Variants in NXPE2 observed in about 807,000 individuals in gnomAD.
NXPE2 encodes the protein NXPE family member 2.
Under a neutral mutation model 34.4 loss-of-function variants are expected in NXPE2, and 34 were observed. The observed-to-expected ratio is 0.99, with a 90% confidence interval of 0.75 to 1.31. The LOEUF is 1.31. Among genes scored for constraint, NXPE2 ranks in the 40% most tolerant of loss-of-function variants. The probability of loss-of-function intolerance (pLI) is 0.00; values close to 1 mark genes in which losing one functional copy is unlikely to be tolerated. For missense variants in NXPE2, 649 were observed against 672.5 expected (o/e 0.97, Z 0.39); for synonymous variants, 235 against 231.3 (o/e 1.02, Z -0.15).
the NXPE2 span, among the ~76,000 whole-genome samples, chr11:114,667,948 T>C: frequency 6.6e-6 from 1 of 151,900 alleles, no homozygotes; most frequent in Non-Finnish European, 1.5e-5. Flanking sequence ...AGTAGATAAC[T>C]AATACACAGA....
the NXPE2 span, among the ~76,000 whole-genome samples, chr11:114,716,697 C>A: frequency 6.6e-6 from 1 of 152,192 alleles, no homozygotes; most frequent in African/African-American, 2.4e-5. Flanking sequence ...GCACATTCCA[C>A]TGAGCCAAAT....
chr11:114,537,349 C>A, the NXPE2 span, among the ~76,000 whole-genome samples: 1 of 152,188 alleles, frequency 6.6e-6, no homozygotes, highest in Non-Finnish European at 1.5e-5. Flanking sequence ...AAACTGGGAG[C>A]ATTCCCTTTG....
At chr11:114,622,376 G>T in the NXPE2 span, among the ~76,000 whole-genome samples, 185 of 152,010 alleles carry the variant, frequency 1.2e-3, no homozygotes, top group African/African-American at 4.1e-3. Flanking sequence ...TTACCAAGTG[G>T]ATAATAAGTA....
chr11:114,493,736 G>C, the NXPE2 span, among the ~76,000 whole-genome samples: 1 of 151,898 alleles, frequency 6.6e-6, no homozygotes, highest in African/African-American at 2.4e-5. Flanking sequence ...TCATGATATA[G>C]TTTATACACT....
chr11:114,586,107 C>A, the NXPE2 span, among the ~76,000 whole-genome samples: 1 of 152,078 alleles, frequency 6.6e-6, no homozygotes. Context: ...CTTTTTTGCC[C>A]TGTGTAAATC....
chr11:114,527,945 C>T, the NXPE2 span: 3 of 1,435,486 alleles, frequency 2.1e-6, no homozygotes, highest in Non-Finnish European at 2.9e-6. Flanking sequence ...GCTCTCTGCC[C>T]ATGTAACACA....
the NXPE2 span, among the ~76,000 whole-genome samples, chr11:114,652,836 C>T: frequency 1.6e-4 from 24 of 152,286 alleles, no homozygotes; most frequent in African/African-American, 3.4e-4. Context: ...TAAAAGGCAG[C>T]GCATTCAGCT....
rs2135576462 is a variant in NXPE2, at chr11:114,706,785, T to G, written c.1535T>G (p.Leu512Arg). 1 of 1,552,402 alleles carries G rather than the reference T, an allele frequency of 6.4e-7. No homozygotes were observed. ...GACTTTCATGGCTATATTCAGAATC[T>G]TATCATAAGAGATATTTTTGTGGAT... Reference protein sequence around the residue: ...FSDFHGYIQNLIIRDIFVDLN... With the variant: ...FSDFHGYIQNRIIRDIFVDLN... The change falls in exon 6 of 6, where the codon CTT becomes CGT. Residue 512 changes from leucine to arginine, a missense_variant. Physicochemically the swap from Leu to Arg is moderately radical, Grantham distance 102. Transcript: ENST00000389586.
the NXPE2 span, among the ~76,000 whole-genome samples, chr11:114,520,168 A>G: frequency 6.6e-6 from 1 of 152,198 alleles, no homozygotes; most frequent in East Asian, 1.9e-4. Context: ...TCCATATACA[A>G]TATTAACTAT....
chr11:114,759,649 G>A, the NXPE2 span, among the ~76,000 whole-genome samples: 4 of 152,222 alleles, frequency 2.6e-5, no homozygotes, highest in South Asian at 2.1e-4. Context: ...TTAGAATACC[G>A]AATAAGTTTT....
the NXPE2 span, among the ~76,000 whole-genome samples, chr11:114,484,495 C>CT: frequency 2.0e-5 from 3 of 152,122 alleles, no homozygotes; most frequent in Admixed American, 2.0e-4. Context: ...AATGCCATAT[C>CT]TTTTTTGTTG....
At chr11:114,749,119 T>C in the NXPE2 span, among the ~76,000 whole-genome samples, 1 of 152,196 alleles carries the variant, frequency 6.6e-6, no homozygotes, top group Non-Finnish European at 1.5e-5. Flanking sequence ...GAGTCCTGGT[T>C]CCTTTTAGTA....
At chr11:114,618,457 G>A in the NXPE2 span, among the ~76,000 whole-genome samples, 1 of 151,964 alleles carries the variant, frequency 6.6e-6, no homozygotes, top group Non-Finnish European at 1.5e-5. Flanking sequence ...TTGCCTCATG[G>A]GTAACCACTG....
the NXPE2 span, among the ~76,000 whole-genome samples, chr11:114,606,653 T>C: frequency 0.67 from 101,896 of 151,374 alleles, 34,483 homozygotes; most frequent in African/African-American, 0.76. Context: ...CCAGTGTTAC[T>C]CGGTGGATAG....
At chr11:114,774,248 A>G in the NXPE2 span, among the ~76,000 whole-genome samples, 1 of 152,246 alleles carries the variant, frequency 6.6e-6, no homozygotes. Context: ...GAGAGAAGGC[A>G]CAACATGGAA....
chr11:114,515,347 A>G, the NXPE2 span, among the ~76,000 whole-genome samples: 1 of 152,208 alleles, frequency 6.6e-6, no homozygotes, highest in Non-Finnish European at 1.5e-5. Flanking sequence ...CCAGTAATGT[A>G]CAAGATCTAG....
chr11:114,785,453 C>T, the NXPE2 span, among the ~76,000 whole-genome samples: 1 of 152,094 alleles, frequency 6.6e-6, no homozygotes, highest in Admixed American at 6.6e-5. Context: ...AATGGGGTTA[C>T]TTTTATTTGC....
the NXPE2 span, among the ~76,000 whole-genome samples, chr11:114,548,563 C>T: frequency 6.6e-6 from 1 of 151,932 alleles, no homozygotes; most frequent in African/African-American, 2.4e-5. Flanking sequence ...CTAAACAACT[C>T]GTGACTCAAA....
chr11:114,634,443 G>A, the NXPE2 span, among the ~76,000 whole-genome samples: 1 of 151,970 alleles, frequency 6.6e-6, no homozygotes, highest in Non-Finnish European at 1.5e-5. Flanking sequence ...AGTTTCTTTT[G>A]CTGTGCAGCA....
Sources: allele counts gnomAD v4.1 joint callset (sites outside exome capture counted in the v4.1 genomes callset), GRCh38; gene constraint gnomAD v4.1.1; transcripts MANE v1.5; gene names NCBI Gene and HGNC (gene_info 2026-07-23, HGNC 2026-07-21).